The following SLC2A6 variants were observed in gnomAD, a reference collection of about 807,000 sequenced individuals.
SLC2A6 encodes solute carrier family 2, facilitated glucose transporter member 6.
A neutral mutation model predicts 47.8 loss-of-function variants in SLC2A6; 39 were observed. The ratio of observed to expected loss-of-function variants is 0.82; its 90% confidence interval spans 0.63 to 1.07. The LOEUF is 1.07. Ranked by LOEUF, SLC2A6 falls within the 50% of genes least tolerant of loss-of-function variation. SLC2A6 has a pLI of 0.00. For missense variants in SLC2A6, 650 were observed against 707.6 expected, an observed-to-expected ratio of 0.92 and a Z score of 0.92; for synonymous variants, 346 against 324.1, an observed-to-expected ratio of 1.07 and a Z score of -0.73.
Position 133,475,120 on chromosome 9 carries a change from C to T in SLC2A6, c.775-7G>A. ...CCCACGATACTCGGCTGCTCTGAAA[C>T]ACAAGGCCGCCGCTGAGGGCGTTGG... On this transcript the variant is annotated splice_polypyrimidine_tract_variant and splice_region_variant and intron_variant, in intron 5 of 9. Transcript: ENST00000371899. The T allele has an allele frequency of 6.5e-7, 1 of 1,537,188 alleles. No individual in the cohort carries two copies. The highest frequency in any genetic ancestry group is 8.7e-7 in the Non-Finnish European group (1 of 1,143,078).
At position 133,474,097 on chromosome 9, in the gene SLC2A6, G is replaced by C; in HGVS notation, c.928-9C>G. On this transcript the variant is annotated splice_polypyrimidine_tract_variant and intron_variant, in intron 6 of 9. Transcript: ENST00000371899. ...GCGTCGTCCTTGGGGGGCTATCGGG[G>C]GGAGACCACCAGGGCTGAGGGACCT... 3 of 1,590,200 alleles carry C rather than the reference G, an allele frequency of 1.9e-6. No homozygotes were observed. The highest frequency in any genetic ancestry group is 2.6e-6 in the Non-Finnish European group (3 of 1,170,246).
rs1243911028 is a variant in SLC2A6, at chr9:133,476,527, C to T, written c.463-191G>A. The T allele has an allele frequency of 9.9e-6, 6 of 604,450 alleles. No homozygotes were observed. In the East Asian group the frequency reaches 1.7e-4, roughly 17 times the overall value. 37.4% of individuals were successfully genotyped at this position (604,450 alleles called of 1,614,324 possible). A position where few individuals can be genotyped will look rare whatever the true frequency, so the allele number is the denominator to read the frequency against. On this transcript the variant is annotated intron_variant, in intron 3 of 9. Transcript: ENST00000371899. ...CTGATCTCTCTCTGTCCTCAGTTTCCCTAACTGTGACGTGGGTGGAAGTAC... is the reference window on the plus strand; with the variant it reads ...CTGATCTCTCTCTGTCCTCAGTTTCTCTAACTGTGACGTGGGTGGAAGTAC...
At chr9:133,475,809 A>G (rs1843924622) in intron 4 of SLC2A6, among the ~76,000 whole-genome samples, 198 bp from the exon 5 acceptor site, 1 of 152,224 alleles carries the variant, frequency 6.6e-6, no homozygotes, top group Non-Finnish European at 1.5e-5. Flanking sequence ...AAGTCCTTGG[A>G]AAGTCTTAGG....
At chr9:133,476,197 T>A (rs1554803294) in intron 4 of SLC2A6, 40 bp downstream of exon 4, 1 of 1,514,020 alleles carries the variant, frequency 6.6e-7, no homozygotes, top group Non-Finnish European at 9.1e-7. Flanking sequence ...CACCCACCCC[T>A]CCCACCAGCC....
In SLC2A6 at chr9:133,479,016, G is replaced by T; in HGVS notation, c.44C>A (p.Thr15Asn). The T allele has an allele frequency of 6.3e-7, 1 of 1,599,620 alleles. No individual in the cohort carries two copies. ...LLGAEGPDYD[T>N]FPEKPPPSPG... ...CGACGGGGGCGGCTTCTCGGGGAAG[G>T]TGTCGTAGTCCGGGCCCTCGGCTCC... Residue 15 changes from threonine to asparagine, a missense_variant, in exon 1 of 10, where the codon ACC (threonine) becomes AAC (asparagine). Thr to Asn is a moderately conservative substitution (Grantham distance 65, BLOSUM62 0). Transcript: ENST00000371899.
chr9:133,477,010 C>T, intron 3 of SLC2A6, 25 bp downstream of exon 3: 1 of 1,546,816 alleles, frequency 6.5e-7, no homozygotes, highest in Non-Finnish European at 8.7e-7. Flanking sequence ...CATTGGGGCG[C>T]CTGGGTGGGA....
chr9:133,474,944 C>T lies in SLC2A6; in HGVS notation c.927+17G>A, dbSNP rs62576014. ...GGGGACCCCGTGGGTGGGCGCCGGC[C>T]GGGGCTGGGCTCTCACCAGCAGGAC... On this transcript the variant is annotated intron_variant, in intron 6 of 9. Transcript: ENST00000371899. The T allele has an allele frequency of 1.3e-4, 197 of 1,502,312 alleles. No individual in the cohort carries two copies. The highest frequency in any genetic ancestry group is 1.6e-4 in the Non-Finnish European group (181 of 1,123,914). The allele number at this position is 1,502,312 out of a possible 1,614,324, so 93.1% of individuals were successfully genotyped here.
At chr9:133,477,276 G>A (rs1554803713) in intron 2 of SLC2A6, 35 bp from the exon 3 acceptor site, 2 of 1,543,024 alleles carry the variant, frequency 1.3e-6, no homozygotes, top group Non-Finnish European at 1.8e-6. Context: ...AGATATGTCT[G>A]GGCACTTGGC....
At chr9:133,472,221 GTCC>G (rs1451602317) in intron 9 of SLC2A6, 45 bp from the exon 10 acceptor site, 12 of 1,604,124 alleles carry the variant, frequency 7.5e-6, no homozygotes, top group East Asian at 2.2e-5. Flanking sequence ...AAGCTCCAGG[GTCC>G]TCCTGCCCCA....
At position 133,475,586 on chromosome 9, in the gene SLC2A6, C is replaced by T; in HGVS notation, c.588G>A (p.Leu196=). The change falls in exon 5 of 10, where the codon CTG becomes CTA. Residue 196 remains leucine (L), a synonymous_variant. Transcript: ENST00000371899. The part of the protein sequence containing the change: ...ALGLLLPWRW[L]AVAGEAPVLI... ...GCACAGGCGCCTCCCCGGCCACAGCCAGCCAGCGCCACGGCAGCAGGAGGC... is the reference window on the plus strand; with the variant it reads ...GCACAGGCGCCTCCCCGGCCACAGCTAGCCAGCGCCACGGCAGCAGGAGGC... 4 of 1,603,306 alleles carry T rather than the reference C, an allele frequency of 2.5e-6. No individual in the cohort carries two copies. In the South Asian group the frequency reaches 3.3e-5, roughly 13 times the overall value.
At chr9:133,476,460 G>T in intron 3 of SLC2A6, 124 bp from the exon 4 acceptor site, 1 of 797,172 alleles carries the variant, frequency 1.3e-6, no homozygotes, top group Non-Finnish European at 2.1e-6. Flanking sequence ...TGGTGGGGCT[G>T]AGTCCTGGTC....
intron 9 of SLC2A6, 85 bp from the exon 10 acceptor site, chr9:133,472,261 T>C: frequency 6.7e-7 from 1 of 1,482,042 alleles, no homozygotes; most frequent in Non-Finnish European, 9.2e-7. Flanking sequence ...CTGCTGGTAG[T>C]GACCAGCCCT....
chr9:133,473,748 C>T, intron 7 of SLC2A6, 148 bp from the exon 8 acceptor site: 2 of 879,288 alleles, frequency 2.3e-6, no homozygotes, highest in Non-Finnish European at 3.4e-6. Context: ...AGCTCTGTCT[C>T]CAGCCGCGTG....
In SLC2A6 at chr9:133,473,333, C is replaced by G. The variant is rs796072995; in HGVS notation, c.1222+82G>C. 3 of 1,537,006 alleles carry G rather than the reference C, an allele frequency of 2.0e-6. No individual in the cohort carries two copies. In the African/African-American group the frequency reaches 4.1e-5, roughly 21 times the overall value. On this transcript the variant is annotated intron_variant, in intron 8 of 9. Transcript: ENST00000371899. ...TGTCTCCGCTGAGCTGCTGGAGACCCCCCTCTCCAGCCACCCCAGACACAT... is the reference window on the plus strand; with the variant it reads ...TGTCTCCGCTGAGCTGCTGGAGACCGCCCTCTCCAGCCACCCCAGACACAT...
intron 6 of SLC2A6, 81 bp from the exon 7 acceptor site, chr9:133,474,169 C>G: frequency 8.6e-7 from 1 of 1,164,004 alleles, no homozygotes; most frequent in Non-Finnish European, 1.2e-6. Context: ...TCCCGGCAGG[C>G]ATTGCAGGGG....
intron 2 of SLC2A6, 23 bp from the exon 3 acceptor site, chr9:133,477,264 G>A (rs781990049): frequency 6.5e-7 from 1 of 1,548,718 alleles, no homozygotes. Context: ...GGGGTGCAGG[G>A]CAGATATGTC....
chr9:133,471,975 G>A lies in SLC2A6; in HGVS notation c.*46C>T, dbSNP rs1843734036. On this transcript the variant is annotated 3_prime_UTR_variant, in exon 10 of 10. Coordinates refer to ENST00000371899, the MANE Select transcript of SLC2A6 (RefSeq NM_017585.4). ...GGTGCAGGTTTGTAGCCAACACAGAGGCCCAGCCACTGGGGGTTTGGCCCC... is the reference window on the plus strand; with the variant it reads ...GGTGCAGGTTTGTAGCCAACACAGAAGCCCAGCCACTGGGGGTTTGGCCCC... The A allele has an allele frequency of 1.3e-5, 20 of 1,593,294 alleles. No individual in the cohort carries two copies. Among genetic ancestry groups the A allele is most frequent in the Non-Finnish European group, 1.6e-5 (19 of 1,166,790 alleles).
At chr9:133,478,442 C>T in intron 1 of SLC2A6, 26 bp from the exon 2 acceptor site, 1 of 1,613,252 alleles carries the variant, frequency 6.2e-7, no homozygotes, top group Non-Finnish European at 8.5e-7. Flanking sequence ...GACAAAAAGA[C>T]CAGGGTCTCT....
In SLC2A6 at chr9:133,473,223, G is replaced by A. The variant is rs1554802187; in HGVS notation, c.1250C>T (p.Thr417Ile). 2 of 1,593,794 alleles carry A rather than the reference G, an allele frequency of 1.3e-6. No individual in the cohort carries two copies. ...MGYAVGWGPI[T>I]WLLMSEVLPL... ...CAGGACCTCAGACATGAGCAGCCAG[G>A]TGATGGGACCCCAGCCCACGGCGTA... is the stretch of plus-strand genomic sequence containing the variant. The change falls in exon 9 of 10, where the codon ACC (threonine) becomes ATC (isoleucine). Residue 417 changes from threonine (T) to isoleucine (I), a missense_variant. Transcript: ENST00000371899.
Sources: gnomAD v4.1 joint callset for allele counts (sites outside exome capture counted in the v4.1 genomes callset) on GRCh38, gnomAD v4.1.1 for gene constraint, MANE v1.5 for transcripts, NCBI Gene and HGNC (gene_info 2026-07-23, HGNC 2026-07-21) for gene names.